CHD2: variants seen among roughly 807,000 people sequenced by gnomAD.
The protein encoded by CHD2 is chromodomain helicase DNA binding protein 2, also known as ATP-dependent chromatin remodeler CHD2.
In CHD2, 28 loss-of-function variants were observed where a neutral mutation model predicts 243.9. That is an observed-to-expected ratio of 0.11 (90% CI 0.09 to 0.16). The LOEUF is 0.16. Among genes scored for constraint, CHD2 ranks in the 10% least tolerant of loss-of-function variants. CHD2 has a pLI of 1.00. For synonymous variants in CHD2, 775 were observed against 779.0 expected, an observed-to-expected ratio of 0.99 and a Z score of 0.09; for missense variants, 1,386 against 2,209.8, an observed-to-expected ratio of 0.63 and a Z score of 7.47.
chr15:92,910,061 C>T (rs1038205229), intron 2 of CHD2, among the ~76,000 whole-genome samples: 3 of 151,864 alleles, frequency 2.0e-5, no homozygotes, highest in African/African-American at 4.8e-5. Context: ...CACTGGAGTG[C>T]AGTGGTACAA....
intron 37 of CHD2, among the ~76,000 whole-genome samples, chr15:93,018,824 C>T (rs1044268838): frequency 1.3e-5 from 2 of 152,178 alleles, no homozygotes; most frequent in Non-Finnish European, 2.9e-5. Context: ...TGAAAGGATG[C>T]CTGTCCTGGA....
At chr15:92,983,550 A>G (rs1300339203) in intron 24 of CHD2, among the ~76,000 whole-genome samples, 1 of 152,180 alleles carries the variant, frequency 6.6e-6, no homozygotes, top group East Asian at 1.9e-4. Context: ...AATAAGAAGA[A>G]TGCGGAGCCA....
chr15:93,007,713 C>T (rs1356630891), intron 34 of CHD2, among the ~76,000 whole-genome samples: 1 of 120,482 alleles, frequency 8.3e-6, no homozygotes, highest in Non-Finnish European at 1.8e-5. Flanking sequence ...TCTCTAAGTT[C>T]CCAGTTTTAC....
chr15:92,953,662 A>C (rs565709299), intron 14 of CHD2, 89 bp downstream of exon 14: 1 of 1,210,996 alleles, frequency 8.3e-7, no homozygotes, highest in East Asian at 2.4e-5. Flanking sequence ...CATCAGTAAA[A>C]TTTGTGGTTA....
chr15:92,939,465 G>GTGAAA, intron 6 of CHD2, 113 bp from the exon 7 acceptor site: 1 of 1,125,552 alleles, frequency 8.9e-7, no homozygotes, highest in Non-Finnish European at 1.2e-6. Flanking sequence ...CATTCCCCAA[G>GTGAAA]TGAAATGTTA....
chr15:93,016,551 CAATA>C (rs1310117696), intron 37 of CHD2, among the ~76,000 whole-genome samples: 3 of 151,942 alleles, frequency 2.0e-5, no homozygotes, highest in Non-Finnish European at 4.4e-5. Flanking sequence ...GCATTGTAAT[CAATA>C]AATACATACA....
chr15:92,997,188 TC>T lies in CHD2; in HGVS notation c.3735-64del. The T allele has an allele frequency of 6.2e-7, 1 of 1,607,480 alleles. No individual in the cohort carries two copies. The highest frequency in any genetic ancestry group is 1.1e-5 in the South Asian group (1 of 89,854). On this transcript the variant is annotated intron_variant, in intron 29 of 38. Coordinates refer to ENST00000394196, the MANE Select transcript of CHD2 (RefSeq NM_001271.4). This position sits in a 1 kb window ranked among gnomAD's most constrained non-coding sequence, Gnocchi z 4.1. Reference sequence around the variant, plus strand: ...GTGTAGTTCCATAGTATTTTTACTGTCTCTTCTTTAACATACCAAAAAGGCC... The same window carrying T: ...GTGTAGTTCCATAGTATTTTTACTGTTCTTCTTTAACATACCAAAAAGGCC...
chr15:93,010,402 G>A (rs928120876), intron 35 of CHD2, among the ~76,000 whole-genome samples: 3 of 142,508 alleles, frequency 2.1e-5, no homozygotes, highest in Non-Finnish European at 4.5e-5. Flanking sequence ...AAGAAAACAT[G>A]ACTGGAAATT....
At chr15:92,918,160 G>T (rs1002090430) in intron 2 of CHD2, among the ~76,000 whole-genome samples, 1 of 152,218 alleles carries the variant, frequency 6.6e-6, no homozygotes, top group African/African-American at 2.4e-5. Flanking sequence ...AAATGGAACA[G>T]TAAGTGTTAA....
At chr15:92,984,174 AG>A (rs931858543) in intron 24 of CHD2, among the ~76,000 whole-genome samples, 155 bp from the exon 25 acceptor site, 5 of 152,238 alleles carry the variant, frequency 3.3e-5, no homozygotes, top group Non-Finnish European at 7.3e-5. Context: ...GGGGGTATAA[AG>A]GAAAAATTAA....
chr15:92,998,197 A>G lies in CHD2; in HGVS notation c.3886-302A>G. 1 of 1,062,956 alleles carries G rather than the reference A, an allele frequency of 9.4e-7. No homozygotes were observed. Among genetic ancestry groups the G allele is most frequent in the Non-Finnish European group, 1.1e-6 (1 of 879,096 alleles). 65.8% of individuals were successfully genotyped at this position (1,062,956 alleles called of 1,614,324 possible). ...AAGGAGGAAATCCACGACGGCTGGG[A>G]TGCTCTAGCAGATGAAGCCACAAGC... On this transcript the variant is annotated intron_variant, in intron 30 of 38. Coordinates refer to ENST00000394196, the MANE Select transcript of CHD2 (RefSeq NM_001271.4). The surrounding 1 kb of genome is among the most constrained non-coding windows in gnomAD (Gnocchi z 5.1).
intron 38 of CHD2, chr15:93,022,008 A>G (rs1349738324): frequency 1.3e-5 from 2 of 152,172 alleles, no homozygotes; most frequent in East Asian, 3.8e-4. Context: ...TGCTGTTAAG[A>G]TTCGTTAGGT....
chr15:92,930,961 T>A (rs1366953862), intron 5 of CHD2, among the ~76,000 whole-genome samples: 1 of 152,018 alleles, frequency 6.6e-6, no homozygotes, highest in Non-Finnish European at 1.5e-5. Context: ...GGCCAGCTGG[T>A]GAGTATTGTG....
At chr15:92,948,845 A>G (rs1596401764) in intron 12 of CHD2, 107 bp from the exon 13 acceptor site, 10 of 1,322,828 alleles carry the variant, frequency 7.6e-6, no homozygotes, top group Admixed American at 4.4e-5. Context: ...TCTCAAAAAA[A>G]GAAATTTGAG....
At chr15:93,015,937 A>G (rs1265976579) in intron 37 of CHD2, among the ~76,000 whole-genome samples, 1 of 152,228 alleles carries the variant, frequency 6.6e-6, no homozygotes, top group Non-Finnish European at 1.5e-5. Flanking sequence ...ATTATGGAAA[A>G]CAATGCAGAG....
At chr15:92,983,538 G>A (rs752226442) in intron 24 of CHD2, among the ~76,000 whole-genome samples, 5 of 152,136 alleles carry the variant, frequency 3.3e-5, no homozygotes, top group Non-Finnish European at 7.4e-5. Context: ...TAGGAGGGAG[G>A]GAATAAGAAG....
intron 17 of CHD2, among the ~76,000 whole-genome samples, chr15:92,969,523 G>A (rs1305823363): frequency 1.3e-5 from 2 of 152,216 alleles, no homozygotes; most frequent in South Asian, 2.1e-4. Context: ...GCCTCTTTCT[G>A]ATGGTTTATG....
intron 24 of CHD2, among the ~76,000 whole-genome samples, chr15:92,983,140 C>T (rs543332741): frequency 6.6e-6 from 1 of 152,216 alleles, no homozygotes; most frequent in South Asian, 2.1e-4. Context: ...CTCCTAACAC[C>T]TTACATTGGG....
At chr15:92,979,061 C>A in intron 21 of CHD2, 74 bp from the exon 22 acceptor site, 1 of 1,562,928 alleles carries the variant, frequency 6.4e-7, no homozygotes, top group Non-Finnish European at 8.6e-7. Flanking sequence ...TTTGACAGAG[C>A]TAATCCTTCT....
Sources: allele counts gnomAD v4.1 joint callset (sites outside exome capture counted in the v4.1 genomes callset), GRCh38; gene constraint gnomAD v4.1.1; non-coding constraint Gnocchi (gnomAD v3.1); transcripts MANE v1.5; gene names NCBI Gene and HGNC (gene_info 2026-07-23, HGNC 2026-07-21).